IFFO2: variants seen among roughly 807,000 people sequenced by gnomAD.
The protein encoded by IFFO2 is intermediate filament family orphan 2.
Under a neutral mutation model 53.5 loss-of-function variants are expected in IFFO2, and 19 were observed. That is an observed-to-expected ratio of 0.36 (90% CI 0.25 to 0.52). The LOEUF (loss-of-function observed/expected upper bound fraction) is 0.52. Among genes scored for constraint, IFFO2 ranks in the 20% least tolerant of loss-of-function variants. The pLI is 0.94. For synonymous variants in IFFO2, 303 were observed against 313.6 expected, an observed-to-expected ratio of 0.97 and a Z score of 0.36; for missense variants, 570 against 727.4, an observed-to-expected ratio of 0.78 and a Z score of 2.49.
chr1:18,913,939 C>T (rs1936089198), intron 5 of IFFO2, among the ~76,000 whole-genome samples: 1 of 145,732 alleles, frequency 6.9e-6, no homozygotes, highest in Admixed American at 6.7e-5. Flanking sequence ...TCACGCCATT[C>T]TCCTGCCTCA....
At chr1:18,940,606 T>TGGAC (rs1348541278) in intron 1 of IFFO2, among the ~76,000 whole-genome samples, 5 of 143,234 alleles carry the variant, frequency 3.5e-5, no homozygotes, top group Non-Finnish European at 7.6e-5. Flanking sequence ...GATGGATGGA[T>TGGAC]GGACAGACGG....
At position 18,906,076 on chromosome 1, in the gene IFFO2, AGGCCG is replaced by A. The variant is rs1277075683; in HGVS notation, c.*2480_*2484del. 12 of 152,486 alleles carry A rather than the reference AGGCCG, an allele frequency of 7.9e-5. No individual in the cohort carries two copies. The highest frequency in any genetic ancestry group is 2.9e-4 in the African/African-American group (12 of 41,480). The allele number at this position is 152,486 out of a possible 1,614,324, so 9.4% of individuals were successfully genotyped here. The stretch of plus-strand genomic sequence containing the variant: ...TGGAGAGGCAGGCAGGCAGGCAGGC[AGGCCG>A]GACCCAGGAACCAGCCCAGGAGGCA... On this transcript the variant is annotated 3_prime_UTR_variant, in exon 9 of 9. Coordinates refer to ENST00000455833, the MANE Select transcript of IFFO2 (RefSeq NM_001136265.2).
intron 1 of IFFO2, among the ~76,000 whole-genome samples, chr1:18,945,170 C>T (rs1001820907): frequency 1.3e-5 from 2 of 152,182 alleles, no homozygotes; most frequent in East Asian, 3.9e-4. Context: ...CCTTTCTTGA[C>T]TGGCCCTGAA....
At chr1:18,921,994 C>T (rs895089868) in intron 1 of IFFO2, among the ~76,000 whole-genome samples, 4 of 152,124 alleles carry the variant, frequency 2.6e-5, no homozygotes, top group African/African-American at 9.7e-5. Context: ...TTGTACCAGG[C>T]ACTGTTCTAC....
At chr1:18,932,611 A>G (rs950424956) in intron 1 of IFFO2, among the ~76,000 whole-genome samples, 2 of 152,248 alleles carry the variant, frequency 1.3e-5, no homozygotes, top group African/African-American at 4.8e-5. Flanking sequence ...CACGTTTCAC[A>G]CTTAGCACAG....
intron 7 of IFFO2, among the ~76,000 whole-genome samples, chr1:18,911,121 T>C (rs941236182): frequency 6.7e-6 from 1 of 148,726 alleles, no homozygotes; most frequent in Non-Finnish European, 1.5e-5. Flanking sequence ...GTCAGCTCTG[T>C]GGTTATTATG....
At position 18,917,755 on chromosome 1, in the gene IFFO2, C is replaced by T. The variant is rs542926521; in HGVS notation, c.963+607G>A. On this transcript the variant is annotated intron_variant, in intron 4 of 8. Transcript: ENST00000455833. This position sits in a 1 kb window ranked among gnomAD's most constrained non-coding sequence, Gnocchi z 5.9. ...CATGTGCCTCATTCGGCTGGACTGG[C>T]CCCCCAAGCCCTCTCTGGAAGACAG... 2.8e-4 allele frequency among the ~76,000 whole-genome samples: 42 copies of T among 148,216 alleles called. No individual in the cohort carries two copies. Among genetic ancestry groups the T allele is most frequent in the African/African-American group, 1.1e-3 (42 of 39,942 alleles).
chr1:18,917,234 G>T lies in IFFO2; in HGVS notation c.964-192C>A, dbSNP rs1262319738. On this transcript the variant is annotated intron_variant, in intron 4 of 8. Coordinates refer to ENST00000455833, the MANE Select transcript of IFFO2 (RefSeq NM_001136265.2). This position sits in a 1 kb window ranked among gnomAD's most constrained non-coding sequence, Gnocchi z 5.9. The stretch of plus-strand genomic sequence containing the variant: ...AAGCGCGAGGTGGGAGACATGCAGG[G>T]GGACACAGACGGCCTGGACTCTTCC... 2.6e-5 allele frequency among the ~76,000 whole-genome samples: 4 copies of T among 152,196 alleles called. No individual in the cohort carries two copies. Among genetic ancestry groups the T allele is most frequent in the Non-Finnish European group, 5.9e-5 (4 of 68,036 alleles).
intron 1 of IFFO2, among the ~76,000 whole-genome samples, chr1:18,925,450 C>T (rs971959271): frequency 4.6e-5 from 7 of 152,348 alleles, no homozygotes; most frequent in South Asian, 4.1e-4. Flanking sequence ...AGTCCCGTGA[C>T]GCCAGGGCCA....
rs1206715638 is a variant in IFFO2 at position 18,918,779 on chromosome 1, CGT to C, written c.823-279_823-278del. 6.6e-6 allele frequency among the ~76,000 whole-genome samples: 1 copy of C among 152,026 alleles called. No homozygotes were observed. The highest frequency in any genetic ancestry group is 1.5e-5 in the Non-Finnish European group (1 of 67,978). ...GCATCCTCCCAGCAGACACAGGGTC[CGT>C]GTTCACTTTGTTAGAGCGAAGAAAA... On this transcript the variant is annotated intron_variant, in intron 3 of 8. Coordinates refer to ENST00000455833, the MANE Select transcript of IFFO2 (RefSeq NM_001136265.2). This position sits in a 1 kb window ranked among gnomAD's most constrained non-coding sequence, Gnocchi z 5.2.
intron 1 of IFFO2, among the ~76,000 whole-genome samples, chr1:18,952,440 G>A (rs1418353466): frequency 6.6e-6 from 1 of 152,150 alleles, no homozygotes; most frequent in Non-Finnish European, 1.5e-5. Flanking sequence ...TACAGTTGAC[G>A]TTTTAAATTT....
At chr1:18,929,556 C>T (rs1936345060) in intron 1 of IFFO2, among the ~76,000 whole-genome samples, 1 of 152,146 alleles carries the variant, frequency 6.6e-6, no homozygotes, top group East Asian at 1.9e-4. Flanking sequence ...TCACATTCCC[C>T]CACCTGACAT....
chr1:18,918,254 G>T lies in IFFO2; in HGVS notation c.963+108C>A. On this transcript the variant is annotated intron_variant, in intron 4 of 8. Transcript: ENST00000455833. This position sits in a 1 kb window ranked among gnomAD's most constrained non-coding sequence, Gnocchi z 5.2. ...TAGTGCTACCTCTCGGGGAAGGGGA[G>T]GGAGTGAGTGGGATGTGGAGGCAAA... 1 of 1,038,164 alleles carries T rather than the reference G, an allele frequency of 9.6e-7. No individual in the cohort carries two copies. Among genetic ancestry groups the T allele is most frequent in the Non-Finnish European group, 1.4e-6 (1 of 704,304 alleles). 64.3% of individuals were successfully genotyped at this position (1,038,164 alleles called of 1,614,324 possible). A position where few individuals can be genotyped will look rare whatever the true frequency, so the allele number is the denominator to read the frequency against.
intron 1 of IFFO2, among the ~76,000 whole-genome samples, chr1:18,946,341 G>A (rs114017752): frequency 2.0e-5 from 3 of 151,690 alleles, no homozygotes; most frequent in Non-Finnish European, 4.4e-5. Flanking sequence ...GCCCTTTCTG[G>A]TACTACACAG....
intron 1 of IFFO2, among the ~76,000 whole-genome samples, chr1:18,942,865 G>A (rs6683405): frequency 7.0e-6 from 1 of 143,552 alleles, no homozygotes; most frequent in Non-Finnish European, 1.5e-5. Flanking sequence ...TTGAGATGGA[G>A]TCTCATTCTG....
In IFFO2 at chr1:18,913,823, GTTT is replaced by G. The variant is rs10708996; in HGVS notation, c.1104-1743_1104-1741del. Among the ~76,000 whole-genome samples, 552 of 151,140 alleles carry G rather than the reference GTTT, an allele frequency of 3.7e-3. 1 individual carries two copies. The highest frequency in any genetic ancestry group is 0.012 in the African/African-American group (486 of 40,866). ...GGTTTCGTTGTTTGTTGTTGTTGTT[GTTT>G]TTTTGTTTGTTTGTTTGTTTGTTTG... On this transcript the variant is annotated intron_variant, in intron 5 of 8. Transcript: ENST00000455833.
intron 1 of IFFO2, among the ~76,000 whole-genome samples, chr1:18,922,241 C>A (rs1936226047): frequency 6.6e-6 from 1 of 152,158 alleles, no homozygotes; most frequent in African/African-American, 2.4e-5. Flanking sequence ...GCTCCTCCAA[C>A]AGAGTTCCTC....
chr1:18,916,932 G>A lies in IFFO2; in HGVS notation c.1074C>T (p.Thr358=), dbSNP rs780357508. The change falls in exon 5 of 9, where the codon ACC becomes ACT. Residue 358 remains threonine (T), a synonymous_variant. Transcript: ENST00000455833. The surrounding 1 kb of genome is among the most constrained non-coding windows in gnomAD (Gnocchi z 4.3). ...SDDEVGSMNI[T]DEMKRMFNQL... The stretch of plus-strand genomic sequence containing the variant: ...GGTTAAACATGCGCTTCATCTCATC[G>A]GTGATGTTCATGGAGCCGACCTCAT... The A allele has an allele frequency of 1.2e-5, 18 of 1,551,778 alleles. No individual in the cohort carries two copies. The highest frequency in any genetic ancestry group is 1.7e-4 in the Middle Eastern group (1 of 6,014).
Position 18,938,663 on chromosome 1 carries a change from C to G in IFFO2, c.665+17005G>C, listed in dbSNP as rs1569858962. Among the ~76,000 whole-genome samples, 3 of 152,316 alleles carry G rather than the reference C, an allele frequency of 2.0e-5. No individual in the cohort carries two copies. In the East Asian group the frequency reaches 5.8e-4, roughly 29 times the overall value. ...CCTGCACCTCTCTAGACCTTCTGCA[C>G]AAGGAAGCTCCGACCACACCAGGGA... On this transcript the variant is annotated intron_variant, in intron 1 of 8. Transcript: ENST00000455833.
Sources: gnomAD v4.1 joint callset for allele counts (sites outside exome capture counted in the v4.1 genomes callset) on GRCh38, gnomAD v4.1.1 for gene constraint, Gnocchi (gnomAD v3.1) non-coding constraint, MANE v1.5 for transcripts, NCBI Gene and HGNC (gene_info 2026-07-23, HGNC 2026-07-21) for gene names.